The following CYTH1 variants were observed in gnomAD, a reference collection of about 807,000 sequenced individuals.
The protein encoded by CYTH1 is cytohesin 1, also known as cytohesin-1.
A neutral mutation model predicts 61.8 loss-of-function variants in CYTH1; 18 were observed. The ratio of observed to expected loss-of-function variants is 0.29; its 90% CI spans 0.20 to 0.43. CYTH1 has a LOEUF of 0.43. Among genes scored for constraint, CYTH1 ranks in the 20% least tolerant of loss-of-function variants. The pLI is 1.00. For synonymous variants in CYTH1, 174 were observed against 184.3 expected (o/e 0.94, Z 0.45); for missense variants, 336 against 510.5 (o/e 0.66, Z 3.29).
intron 1 of CYTH1, among the ~76,000 whole-genome samples, chr17:78,778,711 T>G (rs554513238): frequency 6.6e-6 from 1 of 151,632 alleles, no homozygotes; most frequent in South Asian, 2.1e-4. Flanking sequence ...CCCAACACTT[T>G]CAGAGGCCAA....
chr17:78,763,080 A>G (rs575284744), intron 1 of CYTH1, among the ~76,000 whole-genome samples: 2 of 152,282 alleles, frequency 1.3e-5, no homozygotes, highest in African/African-American at 4.8e-5. Flanking sequence ...ACGGTGGCTC[A>G]CGCCTGTAAT....
intron 1 of CYTH1, among the ~76,000 whole-genome samples, chr17:78,731,541 C>CAT (rs2093294017): frequency 1.3e-5 from 2 of 151,968 alleles, no homozygotes; most frequent in African/African-American, 4.8e-5. Flanking sequence ...GGGCAGATCA[C>CAT]GAGGTCAGGA....
intron 3 of CYTH1, among the ~76,000 whole-genome samples, chr17:78,705,986 A>T (rs903642240): frequency 6.6e-6 from 1 of 152,228 alleles, no homozygotes; most frequent in Non-Finnish European, 1.5e-5. Context: ...CAGAAAGGAA[A>T]CGTACCAAAA....
chr17:78,732,025 A>AG (rs1374006553), intron 1 of CYTH1, among the ~76,000 whole-genome samples: 9 of 152,176 alleles, frequency 5.9e-5, no homozygotes, highest in African/African-American at 9.7e-5. Context: ...CCTGAAGCAC[A>AG]GGGAGGGGTG....
intron 1 of CYTH1, among the ~76,000 whole-genome samples, chr17:78,780,285 A>G (rs928497757): frequency 6.6e-6 from 1 of 152,140 alleles, no homozygotes. Flanking sequence ...TGGGAGGCCA[A>G]GATAGGAACT....
intron 12 of CYTH1, among the ~76,000 whole-genome samples, 166 bp from the exon 13 acceptor site, chr17:78,680,510 G>A (rs916792879): frequency 1.3e-5 from 2 of 152,234 alleles, no homozygotes; most frequent in Non-Finnish European, 2.9e-5. Flanking sequence ...TCTAGAGACT[G>A]TAAATTGTAT....
intron 1 of CYTH1, among the ~76,000 whole-genome samples, chr17:78,780,901 G>A (rs2093514438): frequency 6.6e-6 from 1 of 152,100 alleles, no homozygotes. Context: ...CAGCTACTCA[G>A]GAGCCTGAGG....
At chr17:78,701,610 A>G in intron 6 of CYTH1, 61 bp downstream of exon 6, 1 of 1,461,380 alleles carries the variant, frequency 6.8e-7, no homozygotes, top group Non-Finnish European at 9.6e-7. Context: ...CCCAGGACAG[A>G]CTCATGATCA....
chr17:78,738,872 T>C (rs568295439), intron 1 of CYTH1, among the ~76,000 whole-genome samples: 1 of 152,336 alleles, frequency 6.6e-6, no homozygotes, highest in African/African-American at 2.4e-5. Flanking sequence ...ATAGCGTTTC[T>C]CTGGAATAGA....
At chr17:78,739,780 G>A (rs1309030880) in intron 1 of CYTH1, among the ~76,000 whole-genome samples, 1 of 152,118 alleles carries the variant, frequency 6.6e-6, no homozygotes, top group Non-Finnish European at 1.5e-5. Flanking sequence ...AGACGGGTTG[G>A]CGGCTTACTT....
intron 1 of CYTH1, among the ~76,000 whole-genome samples, chr17:78,749,984 C>T (rs1460542383): frequency 6.6e-6 from 1 of 152,104 alleles, no homozygotes; most frequent in Non-Finnish European, 1.5e-5. Context: ...ATTTCTTAGC[C>T]TGCTCCCTCT....
At chr17:78,746,839 G>A (rs777027572) in intron 1 of CYTH1, among the ~76,000 whole-genome samples, 7 of 151,984 alleles carry the variant, frequency 4.6e-5, no homozygotes, top group Non-Finnish European at 7.4e-5. Flanking sequence ...CTACTTCAGA[G>A]GGCGAGGCAG....
At chr17:78,714,017 C>T (rs939270832) in intron 1 of CYTH1, among the ~76,000 whole-genome samples, 24 of 152,122 alleles carry the variant, frequency 1.6e-4, no homozygotes, top group Non-Finnish European at 2.8e-4. Context: ...AGGCCAGGCG[C>T]GGTGGTCCAC....
Position 78,718,218 on chromosome 17 carries a change from TACACACACACACACACACACAC to T in CYTH1, c.23-8508_23-8487del, listed in dbSNP as rs55803104. ...ACCTGGAAGTTTCATAAACACTGAA[TACACACACACACACACACACAC>T]ACACACACACACACACACACACACA... On this transcript the variant is annotated intron_variant, in intron 1 of 13. Transcript: ENST00000446868. 2.3e-3 allele frequency among the ~76,000 whole-genome samples: 298 copies of T among 128,394 alleles called. 3 individuals are homozygous for T. The highest frequency in any genetic ancestry group is 3.1e-3 in the Non-Finnish European group (191 of 61,594). The allele number at this position is 128,394 out of a possible 152,430, so 84.2% of individuals were successfully genotyped here. A position where few individuals can be genotyped will look rare whatever the true frequency, so the allele number is the denominator to read the frequency against.
chr17:78,678,858 C>G (rs894360052), intron 13 of CYTH1, among the ~76,000 whole-genome samples: 3 of 152,220 alleles, frequency 2.0e-5, no homozygotes, highest in Admixed American at 2.0e-4. Flanking sequence ...AGGTAGGTTA[C>G]CCACCTACCA....
chr17:78,675,802 C>A lies in CYTH1; in HGVS notation c.*289G>T. On this transcript the variant is annotated 3_prime_UTR_variant, in exon 14 of 14. Coordinates refer to ENST00000446868, the MANE Select transcript of CYTH1 (RefSeq NM_004762.6). ...GGCTCTGAGCTCTGCTACCAGAACA[C>A]TGAGCAGAGAAACTGGCCAGGAGGC... 7.5e-7 allele frequency: 1 copy of A among 1,334,776 alleles called. No individual in the cohort carries two copies. Among genetic ancestry groups the A allele is most frequent in the Non-Finnish European group, 1.0e-6 (1 of 1,002,834 alleles). 82.7% of individuals were successfully genotyped at this position (1,334,776 alleles called of 1,614,324 possible).
intron 1 of CYTH1, among the ~76,000 whole-genome samples, chr17:78,743,148 T>G (rs1449157521): frequency 1.3e-5 from 2 of 152,036 alleles, no homozygotes; most frequent in Non-Finnish European, 2.9e-5. Context: ...TACTGTTAAA[T>G]GAAAAAATCA....
intron 1 of CYTH1, among the ~76,000 whole-genome samples, chr17:78,732,590 G>A (rs1456044765): frequency 6.6e-6 from 1 of 152,126 alleles, no homozygotes; most frequent in African/African-American, 2.4e-5. Context: ...TGTGTGCTTT[G>A]TACAATGCCA....
intron 11 of CYTH1, among the ~76,000 whole-genome samples, chr17:78,688,552 A>T (rs988275085): frequency 6.6e-6 from 1 of 152,214 alleles, no homozygotes; most frequent in African/African-American, 2.4e-5. Context: ...CGCATGACAA[A>T]TGTCCTTAGC....
Sources: gnomAD v4.1 joint callset for allele counts (sites outside exome capture counted in the v4.1 genomes callset) on GRCh38, gnomAD v4.1.1 for gene constraint, MANE v1.5 for transcripts, NCBI Gene and HGNC (gene_info 2026-07-23, HGNC 2026-07-21) for gene names.